MIGA1: variants seen among roughly 807,000 people sequenced by gnomAD.
MIGA1 encodes the protein family with sequence similarity 73, member A.
A neutral mutation model predicts 82.0 loss-of-function variants in MIGA1; 58 were observed. The observed-to-expected ratio is 0.71, with a 90% CI of 0.57 to 0.88. The LOEUF (loss-of-function observed/expected upper bound fraction) is 0.88. Among genes scored for constraint, MIGA1 ranks in the 40% least tolerant of loss-of-function variants. The pLI is 0.00. For synonymous variants in MIGA1, 249 were observed against 253.6 expected, an observed-to-expected ratio of 0.98 and a Z score of 0.17; for missense variants, 751 against 749.1, an observed-to-expected ratio of 1.00 and a Z score of -0.03.
intron 1 of MIGA1, among the ~76,000 whole-genome samples, chr1:77,781,995 T>C (rs1344471933): frequency 6.6e-6 from 1 of 152,116 alleles, no homozygotes; most frequent in Non-Finnish European, 1.5e-5. Flanking sequence ...AATAATTTTT[T>C]TTTTTTTTGG....
rs192306828 is a variant in MIGA1 at position 77,853,430 on chromosome 1, A to G, written c.997-5508A>G. On this transcript the variant is annotated intron_variant, in intron 8 of 15. Transcript: ENST00000370791. ...TGAAAGATGTGCTGCAGAAACTACAACCAAAGGAGGCATTACGGCTGGGCA... is the reference window on the plus strand; with the variant it reads ...TGAAAGATGTGCTGCAGAAACTACAGCCAAAGGAGGCATTACGGCTGGGCA... 4.4e-3 allele frequency: 716 copies of G among 161,310 alleles called. 6 individuals carry two copies. The highest frequency in any genetic ancestry group is 6.8e-3 in the Non-Finnish European group (500 of 73,936). 10.0% of individuals were successfully genotyped at this position (161,310 alleles called of 1,614,324 possible). A position where few individuals can be genotyped will look rare whatever the true frequency, so the allele number is the denominator to read the frequency against.
At chr1:77,826,571 G>A (rs190231299) in intron 7 of MIGA1, among the ~76,000 whole-genome samples, 115 of 152,224 alleles carry the variant, frequency 7.6e-4, no homozygotes, top group Non-Finnish European at 1.4e-3. Context: ...AACTTCCTGG[G>A]TCCAAGTGAT....
At chr1:77,793,783 CTTT>C (rs1175821307) in intron 2 of MIGA1, among the ~76,000 whole-genome samples, 14 of 114,140 alleles carry the variant, frequency 1.2e-4, no homozygotes, top group South Asian at 5.4e-4. Flanking sequence ...AAAATTTTAT[CTTT>C]TTTTTTTTTT....
intron 12 of MIGA1, among the ~76,000 whole-genome samples, chr1:77,863,158 C>G (rs904844871): frequency 2.1e-4 from 32 of 152,132 alleles, no homozygotes; most frequent in African/African-American, 5.8e-4. Flanking sequence ...TTATCATATT[C>G]ATCTCTAATT....
At chr1:77,790,858 G>T (rs552790815) in intron 2 of MIGA1, among the ~76,000 whole-genome samples, 1 of 152,196 alleles carries the variant, frequency 6.6e-6, no homozygotes, top group Non-Finnish European at 1.5e-5. Flanking sequence ...AAAGTGCTGG[G>T]ATTACAGGTG....
At chr1:77,791,243 T>TAAAAAA (rs757682711) in intron 2 of MIGA1, among the ~76,000 whole-genome samples, 5 of 116,940 alleles carry the variant, frequency 4.3e-5, no homozygotes, top group Non-Finnish European at 3.6e-5. Context: ...CCCTGTCTCT[T>TAAAAAA]AAAAAAAAAA....
At chr1:77,786,777 G>C (rs565869045) in intron 2 of MIGA1, among the ~76,000 whole-genome samples, 5 of 152,184 alleles carry the variant, frequency 3.3e-5, no homozygotes, top group Non-Finnish European at 7.3e-5. Context: ...AAGACTCTAG[G>C]AAGTTCCAAA....
chr1:77,841,948 AT>A (rs1176838372), intron 7 of MIGA1, among the ~76,000 whole-genome samples: 263 of 121,210 alleles, frequency 2.2e-3, no homozygotes, highest in Middle Eastern at 4.4e-3. Flanking sequence ...ACACCTGGCT[AT>A]TTTTTTTTTT....
intron 14 of MIGA1, among the ~76,000 whole-genome samples, chr1:77,872,501 T>C (rs1646854570): frequency 6.6e-6 from 1 of 152,048 alleles, no homozygotes; most frequent in Non-Finnish European, 1.5e-5. Flanking sequence ...CCTGGAATTT[T>C]GAGGTGGGAG....
chr1:77,850,293 T>G (rs1684998048), intron 8 of MIGA1, among the ~76,000 whole-genome samples: 1 of 152,236 alleles, frequency 6.6e-6, no homozygotes, highest in African/African-American at 2.4e-5. Context: ...CATTCTTTCA[T>G]TTCCACAATG....
At chr1:77,866,306 T>C in intron 13 of MIGA1, 32 bp from the exon 14 acceptor site, 1 of 1,604,780 alleles carries the variant, frequency 6.2e-7, no homozygotes, top group Non-Finnish European at 8.5e-7. Context: ...TATAGCTATA[T>C]ATAAATCTTT....
At chr1:77,838,755 A>G (rs1189959584) in intron 7 of MIGA1, among the ~76,000 whole-genome samples, 1 of 152,106 alleles carries the variant, frequency 6.6e-6, no homozygotes, top group African/African-American at 2.4e-5. Flanking sequence ...GTCACCTTCT[A>G]GCTTTTAAAA....
intron 13 of MIGA1, among the ~76,000 whole-genome samples, 185 bp downstream of exon 13, chr1:77,864,213 A>G (rs1381169016): frequency 6.7e-6 from 1 of 149,950 alleles, no homozygotes; most frequent in African/African-American, 2.5e-5. Flanking sequence ...ATACAAAAAA[A>G]AAAAAAATTA....
chr1:77,869,218 G>A (rs1174883787), intron 14 of MIGA1, among the ~76,000 whole-genome samples: 1 of 138,176 alleles, frequency 7.2e-6, no homozygotes, highest in Non-Finnish European at 1.5e-5. Context: ...ATTTAACCCT[G>A]AGTGGACACA....
At chr1:77,811,597 G>A in intron 5 of MIGA1, 1 of 1,612,174 alleles carries the variant, frequency 6.2e-7, no homozygotes, top group Non-Finnish European at 8.5e-7. Context: ...TTTGCCTATG[G>A]TTTTCTTTTG....
intron 2 of MIGA1, among the ~76,000 whole-genome samples, chr1:77,796,617 AACAG>A (rs936637292): frequency 1.3e-5 from 2 of 152,144 alleles, no homozygotes; most frequent in African/African-American, 4.8e-5. Context: ...CAAATTTACC[AACAG>A]GTTACAGTAT....
At chr1:77,791,130 T>C (rs1286001111) in intron 2 of MIGA1, among the ~76,000 whole-genome samples, 1 of 151,456 alleles carries the variant, frequency 6.6e-6, no homozygotes, top group Non-Finnish European at 1.5e-5. Flanking sequence ...CCTATAGTTC[T>C]AGCTGAGGAG....
At chr1:77,836,096 A>G (rs1236401171) in intron 7 of MIGA1, among the ~76,000 whole-genome samples, 2 of 152,332 alleles carry the variant, frequency 1.3e-5, no homozygotes, top group East Asian at 1.9e-4. Flanking sequence ...GTCCATTTAT[A>G]ATAATAAATT....
At chr1:77,834,157 C>T (rs549796700) in intron 7 of MIGA1, among the ~76,000 whole-genome samples, 1 of 151,924 alleles carries the variant, frequency 6.6e-6, no homozygotes, top group African/African-American at 2.4e-5. Flanking sequence ...TTATTCCCAC[C>T]ACCTCATCAT....
Sources: gnomAD v4.1 joint callset for allele counts (sites outside exome capture counted in the v4.1 genomes callset) on GRCh38, gnomAD v4.1.1 for gene constraint, MANE v1.5 for transcripts, NCBI Gene and HGNC (gene_info 2026-07-23, HGNC 2026-07-21) for gene names.